The following ZUP1 variants were observed in gnomAD, a reference collection of about 807,000 sequenced individuals.
ZUP1 encodes zinc finger containing ubiquitin peptidase 1, also known as zinc finger-containing ubiquitin peptidase 1.
In ZUP1, 55 loss-of-function variants were observed where a neutral mutation model predicts 68.1. The ratio of observed to expected loss-of-function variants is 0.81; its 90% confidence interval spans 0.65 to 1.01. ZUP1 has a LOEUF of 1.01. Ranked by LOEUF, ZUP1 falls within the 50% of genes least tolerant of loss-of-function variation. ZUP1 has a pLI of 0.00. For synonymous variants in ZUP1, 223 were observed against 221.5 expected (o/e 1.01, Z -0.06); for missense variants, 684 against 674.9 (o/e 1.01, Z -0.15).
chr6:116,649,966 A>G (rs1385387936), intron 7 of ZUP1, among the ~76,000 whole-genome samples: 2 of 152,224 alleles, frequency 1.3e-5, no homozygotes, highest in African/African-American at 4.8e-5. Context: ...AAAACATTGG[A>G]AGAAATTTTG....
At chr6:116,643,794 T>C (rs1196392124) in intron 9 of ZUP1, among the ~76,000 whole-genome samples, 2 of 152,158 alleles carry the variant, frequency 1.3e-5, no homozygotes, top group Non-Finnish European at 1.5e-5. Context: ...ACTTCATGTC[T>C]AAAACACCAA....
chr6:116,661,024 A>G (rs111351801), intron 2 of ZUP1, among the ~76,000 whole-genome samples, 178 bp from the exon 3 acceptor site: 28,632 of 151,092 alleles, frequency 0.19, 2,862 homozygotes, highest in East Asian at 0.29. Flanking sequence ...GGCTAAAGGC[A>G]TGCGCCACCA....
Position 116,652,082 on chromosome 6 carries a change from A to G in ZUP1, c.1072T>C (p.Trp358Arg). ...TGGAAATTTCTGTAACCACAACCCC[A>G]ACCTTTGTCGCCTAAAGATGAATGA... Reference protein sequence around the residue: ...HFHSSLGDKGWGCGYRNFQML... With the variant: ...HFHSSLGDKGRGCGYRNFQML... The change falls in exon 6 of 10, where the codon TGG (tryptophan) becomes CGG (arginine). Residue 358 changes from tryptophan to arginine, a missense_variant. Trp to Arg is a moderately radical substitution (Grantham distance 101, BLOSUM62 -3). Coordinates refer to ENST00000368576, the MANE Select transcript of ZUP1 (RefSeq NM_145062.3). The G allele has an allele frequency of 6.2e-7, 1 of 1,613,982 alleles. No homozygotes were observed. The highest frequency in any genetic ancestry group is 1.1e-5 in the South Asian group (1 of 91,076).
chr6:116,657,976 C>T (rs2114271759), intron 4 of ZUP1, among the ~76,000 whole-genome samples: 1 of 152,206 alleles, frequency 6.6e-6, no homozygotes, highest in East Asian at 1.9e-4. Context: ...ACCTGTAATC[C>T]CAGCTACTTG....
intron 6 of ZUP1, 71 bp downstream of exon 6, chr6:116,651,933 T>G: frequency 6.7e-7 from 1 of 1,498,380 alleles, no homozygotes; most frequent in East Asian, 2.3e-5. Context: ...CTATTAATTG[T>G]GTATGCTATA....
In ZUP1 at chr6:116,652,462, T is replaced by C. The variant is rs760592003; in HGVS notation, c.962-270A>G. Among the ~76,000 whole-genome samples the C allele has an allele frequency of 5.9e-5, 9 of 152,164 alleles. 1 individual carries two copies. Among genetic ancestry groups the C allele is most frequent in the Admixed American group, 2.0e-4 (3 of 15,280 alleles). On this transcript the variant is annotated intron_variant, in intron 5 of 9. Coordinates refer to ENST00000368576, the MANE Select transcript of ZUP1 (RefSeq NM_145062.3). ...TAAAGTACAACTGTTGAATGAATGTTCTTCTTGTGTCTCCATTTTATTGTA... is the reference window on the plus strand; with the variant it reads ...TAAAGTACAACTGTTGAATGAATGTCCTTCTTGTGTCTCCATTTTATTGTA...
At chr6:116,646,835 G>C (rs1313439346) in intron 8 of ZUP1, among the ~76,000 whole-genome samples, 2 of 152,140 alleles carry the variant, frequency 1.3e-5, no homozygotes, top group African/African-American at 4.8e-5. Flanking sequence ...TTTGGCCTCT[G>C]AAAGTGCTAG....
At chr6:116,663,293 A>G (rs1473721958) in intron 2 of ZUP1, among the ~76,000 whole-genome samples, 2 of 152,162 alleles carry the variant, frequency 1.3e-5, no homozygotes, top group Non-Finnish European at 2.9e-5. Flanking sequence ...CAGATTCCAC[A>G]TATCTTCTCT....
Position 116,659,296 on chromosome 6 carries a change from A to AT in ZUP1, c.671-373dup, listed in dbSNP as rs1346758741. Among the ~76,000 whole-genome samples the AT allele has an allele frequency of 2.0e-5, 3 of 151,962 alleles. 1 individual carries two copies. On this transcript the variant is annotated intron_variant, in intron 3 of 9. Transcript: ENST00000368576. ...AGGTGCCTGCCACCATGCCCAGCTA[A>AT]TTTTTGTATTTTTAGTAGAGATGGA...
At chr6:116,661,096 A>C (rs1428140450) in intron 2 of ZUP1, among the ~76,000 whole-genome samples, 1 of 151,776 alleles carries the variant, frequency 6.6e-6, no homozygotes, top group Non-Finnish European at 1.5e-5. Context: ...GGCTGGTCTC[A>C]AACTCCTGGA....
chr6:116,652,252 AT>A (rs1776531168), intron 5 of ZUP1, 60 bp from the exon 6 acceptor site: 2 of 1,326,324 alleles, frequency 1.5e-6, no homozygotes, highest in African/African-American at 1.5e-5. Context: ...TATCTCATAC[AT>A]TTTTAATATC....
At chr6:116,643,240 A>G (rs1345815330) in intron 9 of ZUP1, among the ~76,000 whole-genome samples, 2 of 152,222 alleles carry the variant, frequency 1.3e-5, no homozygotes, top group Non-Finnish European at 2.9e-5. Flanking sequence ...AAGAATCAAT[A>G]TCGTGAAAAT....
At chr6:116,667,264 A>C in intron 1 of ZUP1, 57 bp from the exon 2 acceptor site, 2 of 1,224,592 alleles carry the variant, frequency 1.6e-6, no homozygotes, top group Middle Eastern at 5.9e-4. Flanking sequence ...GTGTTTCATA[A>C]AATGATTTGA....
At chr6:116,642,125 G>C (rs1417369550) in intron 9 of ZUP1, among the ~76,000 whole-genome samples, 4 of 151,900 alleles carry the variant, frequency 2.6e-5, no homozygotes, top group African/African-American at 9.7e-5. Context: ...ATTCTCCCAA[G>C]ACTAAATCAG....
chr6:116,658,733 A>T, intron 4 of ZUP1, 70 bp downstream of exon 4: 1 of 1,408,906 alleles, frequency 7.1e-7, no homozygotes. Context: ...CAAAAATAAT[A>T]CACTGGAAAG....
chr6:116,664,122 C>A (rs1166493305), intron 2 of ZUP1, among the ~76,000 whole-genome samples: 2 of 152,074 alleles, frequency 1.3e-5, no homozygotes, highest in East Asian at 3.9e-4. Flanking sequence ...AAAGCTAACA[C>A]AAATGTGCAA....
At chr6:116,665,689 C>T (rs1776982010) in intron 2 of ZUP1, among the ~76,000 whole-genome samples, 1 of 150,154 alleles carries the variant, frequency 6.7e-6, no homozygotes, top group Admixed American at 6.6e-5. Context: ...AGGTGATCCT[C>T]CTATTTCAGC....
Position 116,660,837 on chromosome 6 carries a change from T to C in ZUP1, c.569A>G (p.Gln190Arg), listed in dbSNP as rs752495742. ...LLDIPLEDCD[Q>R]PLYDCPMCGL... ...ACACATAGGACAATCATAGAGTGGT[T>C]GATCACAGTCTGTATCAGAGATATA... is the stretch of plus-strand genomic sequence containing the variant. The change falls in exon 3 of 10, where the codon CAA becomes CGA. Residue 190 changes from glutamine (Q) to arginine (R), a missense_variant. By Grantham distance (43) the Gln-to-Arg change is conservative. Transcript: ENST00000368576. The C allele has an allele frequency of 1.3e-6, 2 of 1,547,534 alleles. No homozygotes were observed. Among genetic ancestry groups the C allele is most frequent in the Non-Finnish European group, 1.8e-6 (2 of 1,130,118 alleles).
intron 7 of ZUP1, among the ~76,000 whole-genome samples, 160 bp downstream of exon 7, chr6:116,651,412 A>G (rs1377651147): frequency 1.3e-5 from 2 of 152,218 alleles, no homozygotes; most frequent in African/African-American, 4.8e-5. Context: ...GAGGGTAGAG[A>G]AGAGCACAAG....
Sources: gnomAD v4.1 joint callset for allele counts (sites outside exome capture counted in the v4.1 genomes callset) on GRCh38, gnomAD v4.1.1 for gene constraint, MANE v1.5 for transcripts, NCBI Gene and HGNC (gene_info 2026-07-23, HGNC 2026-07-21) for gene names.